The following ACOT7 variants were observed in gnomAD, a reference collection of about 807,000 sequenced individuals.
ACOT7 encodes the protein acyl-CoA thioesterase 7, also known as cytosolic acyl coenzyme A thioester hydrolase.
In ACOT7, 12 loss-of-function variants were observed where a neutral mutation model predicts 40.2. That is an observed-to-expected ratio of 0.30 (90% CI 0.19 to 0.48). The LOEUF (loss-of-function observed/expected upper bound fraction) is 0.48. Among genes scored for constraint, ACOT7 ranks in the 20% least tolerant of loss-of-function variants. The pLI, the probability that ACOT7 is intolerant of heterozygous loss-of-function variation, is 0.99. For synonymous variants in ACOT7, 228 were observed against 219.5 expected (o/e 1.04, Z -0.34); for missense variants, 395 against 530.8 (o/e 0.74, Z 2.51).
intron 6 of ACOT7, among the ~76,000 whole-genome samples, chr1:6,315,738 G>C (rs1471187285): frequency 1.6e-5 from 2 of 125,792 alleles, no homozygotes; most frequent in African/African-American, 5.9e-5. Flanking sequence ...GTGGGCGACA[G>C]AGTGAGACTC....
intron 2 of ACOT7, 69 bp from the exon 3 acceptor site, chr1:6,339,658 G>A: frequency 1.9e-6 from 3 of 1,560,688 alleles, no homozygotes; most frequent in Non-Finnish European, 1.7e-6. Context: ...CCCAGGACAT[G>A]CCCCCTGGAA....
In ACOT7 at chr1:6,311,381, T is replaced by G. The variant is rs1389255374; in HGVS notation, c.712+7111A>C. 3.1e-4 allele frequency among the ~76,000 whole-genome samples: 47 copies of G among 152,114 alleles called. No homozygotes were observed. The highest frequency in any genetic ancestry group is 3.1e-3 in the Admixed American group (47 of 15,272). On this transcript the variant is annotated intron_variant, in intron 6 of 8. Transcript: ENST00000361521. This position sits in a 1 kb window ranked among gnomAD's most constrained non-coding sequence, Gnocchi z 5.2. ...GATCATCCCATGGACGAGGGCCCCATGAGGGCCACATCTAGGCTGAAATGA... is the reference window on the plus strand; with the variant it reads ...GATCATCCCATGGACGAGGGCCCCAGGAGGGCCACATCTAGGCTGAAATGA...
chr1:6,287,844 G>C (rs146602066), intron 7 of ACOT7, among the ~76,000 whole-genome samples: 1 of 152,120 alleles, frequency 6.6e-6, no homozygotes, highest in East Asian at 1.9e-4. Context: ...GTTAACTTTC[G>C]TAAGAAAAGC....
At chr1:6,369,425 G>A (rs142733343) in intron 1 of ACOT7, among the ~76,000 whole-genome samples, 4 of 86,478 alleles carry the variant, frequency 4.6e-5, no homozygotes, top group Non-Finnish European at 8.4e-5. Flanking sequence ...TTTTTTTGTA[G>A]AGAAGGAGGC....
chr1:6,310,629 C>T (rs1021656578), intron 6 of ACOT7, among the ~76,000 whole-genome samples: 3 of 152,232 alleles, frequency 2.0e-5, no homozygotes, highest in African/African-American at 7.2e-5. Flanking sequence ...CAGAGCCACC[C>T]AGGGCACTTG....
intron 8 of ACOT7, among the ~76,000 whole-genome samples, chr1:6,276,640 G>A (rs1159927090): frequency 6.6e-6 from 1 of 152,068 alleles, no homozygotes; most frequent in African/African-American, 2.4e-5. Flanking sequence ...GGCACATCTG[G>A]AGGGACGGAA....
At chr1:6,320,039 G>A (rs533390314) in intron 5 of ACOT7, among the ~76,000 whole-genome samples, 2 of 152,346 alleles carry the variant, frequency 1.3e-5, no homozygotes, top group East Asian at 3.9e-4. Flanking sequence ...AGGGGAGGAA[G>A]GGAGGTTCTG....
chr1:6,343,426 G>C (rs1173490767), intron 2 of ACOT7, among the ~76,000 whole-genome samples: 1 of 152,258 alleles, frequency 6.6e-6, no homozygotes, highest in Non-Finnish European at 1.5e-5. Context: ...CAGGGACTCT[G>C]TGACTGCATC....
rs990895736 is a variant in ACOT7 at position 6,282,423 on chromosome 1, G to A, written c.830-1137C>T. Among the ~76,000 whole-genome samples, 3 of 152,206 alleles carry A rather than the reference G, an allele frequency of 2.0e-5. No homozygotes were observed. The highest frequency in any genetic ancestry group is 2.9e-5 in the Non-Finnish European group (2 of 68,036). ...GCCCTGCGGTCAGAATGCCCTCCCA[G>A]GCGGCCCAGCGTGGCCTCTATTCTG... On this transcript the variant is annotated intron_variant, in intron 7 of 8. Transcript: ENST00000361521. This position sits in a 1 kb window ranked among gnomAD's most constrained non-coding sequence, Gnocchi z 4.5.
chr1:6,369,383 C>A (rs961162364), intron 1 of ACOT7, among the ~76,000 whole-genome samples: 1 of 151,274 alleles, frequency 6.6e-6, no homozygotes, highest in African/African-American at 2.4e-5. Context: ...AGCCAGAGCC[C>A]CACAAAATGC....
chr1:6,307,595 A>C (rs1571293355), intron 6 of ACOT7, among the ~76,000 whole-genome samples: 1 of 152,254 alleles, frequency 6.6e-6, no homozygotes, highest in Non-Finnish European at 1.5e-5. Context: ...ACCCAGGTAG[A>C]GAGAAAGAAC....
Position 6,327,378 on chromosome 1 carries a change from C to T in ACOT7, c.546G>A (p.Lys182=). ...SRQEQEEEGR[K]RYEAQKLERM... is the part of the protein sequence containing the mutation. ...GCTCCAGCTTCTGGGCTTCATACCG[C>T]TTCCGGCCCTCCTCCTCCTGCTCCT... The change falls in exon 5 of 9, where the codon AAG becomes AAA. Residue 182 remains lysine, a synonymous_variant. Transcript: ENST00000361521. 1 of 1,614,214 alleles carries T rather than the reference C, an allele frequency of 6.2e-7. No homozygotes were observed. Among genetic ancestry groups the T allele is most frequent in the Non-Finnish European group, 8.5e-7 (1 of 1,180,042 alleles).
At chr1:6,347,718 G>A (rs1379229479) in intron 2 of ACOT7, among the ~76,000 whole-genome samples, 1 of 151,830 alleles carries the variant, frequency 6.6e-6, no homozygotes, top group African/African-American at 2.4e-5. Context: ...AGTGAGCCGG[G>A]ATCGCACCAT....
intron 2 of ACOT7, among the ~76,000 whole-genome samples, chr1:6,341,807 AT>A (rs1641285722): frequency 6.6e-6 from 1 of 152,222 alleles, no homozygotes; most frequent in Admixed American, 6.5e-5. Flanking sequence ...ATGATTCAAA[AT>A]GTAAAAGGAA....
In ACOT7 at chr1:6,271,555, T is replaced by G. The variant is rs1047430648; in HGVS notation, c.1015-6860A>C. ...GGACCACCAGCCTCACAAGCACCTG[T>G]GCCCCCAGGGTCTTGCTCCACCTGA... On this transcript the variant is annotated intron_variant, in intron 8 of 8. Transcript: ENST00000361521. 2.6e-5 allele frequency among the ~76,000 whole-genome samples: 4 copies of G among 152,324 alleles called. No homozygotes were observed. In the East Asian group the frequency reaches 7.7e-4, roughly 29 times the overall value.
rs993173565 is a variant in ACOT7 at position 6,278,944 on chromosome 1, CA to C, written c.1014+2157del. Among the ~76,000 whole-genome samples, 1 of 152,056 alleles carries C rather than the reference CA, an allele frequency of 6.6e-6. No homozygotes were observed. The highest frequency in any genetic ancestry group is 2.4e-5 in the African/African-American group (1 of 41,390). On this transcript the variant is annotated intron_variant, in intron 8 of 8. Transcript: ENST00000361521. This position sits in a 1 kb window ranked among gnomAD's most constrained non-coding sequence, Gnocchi z 4.1. ...GAACTGGGAAAGTTTGTCCAGGAGG[CA>C]GGAAGAGGTAGGGGGCGGGGAAGGA...
At position 6,392,889 on chromosome 1, in the gene ACOT7, C is replaced by T. The variant is rs1443748592; in HGVS notation, c.143+368G>A. 2.6e-5 allele frequency among the ~76,000 whole-genome samples: 4 copies of T among 152,198 alleles called. No homozygotes were observed. The East Asian group carries it at 7.7e-4, about 29-fold the overall frequency. On this transcript the variant is annotated intron_variant, in intron 1 of 8. Transcript: ENST00000361521. ...ACCACGGGGCTGAGGCTCCGGGATG[C>T]TCGGGCGAGGCCCGAGGCGGGGCGG...
In ACOT7 at chr1:6,285,403, T is replaced by C. The variant is rs538504204; in HGVS notation, c.830-4117A>G. Among the ~76,000 whole-genome samples the C allele has an allele frequency of 2.5e-4, 38 of 152,328 alleles. 1 individual carries two copies. The highest frequency in any genetic ancestry group is 5.1e-4 in the African/African-American group (21 of 41,578). On this transcript the variant is annotated intron_variant, in intron 7 of 8. Transcript: ENST00000361521. The stretch of plus-strand genomic sequence containing the variant: ...GCAGCCTGCCCTGGAGCCCCACACC[T>C]GTCCACCTCCCTTCCTCCCTGCAAA...
intron 1 of ACOT7, among the ~76,000 whole-genome samples, chr1:6,351,367 T>C (rs1287083813): frequency 1.3e-5 from 2 of 152,272 alleles, no homozygotes; most frequent in Non-Finnish European, 2.9e-5. Context: ...AAACCTCATT[T>C]GGCTTCTCAA....
Sources: allele counts gnomAD v4.1 joint callset (sites outside exome capture counted in the v4.1 genomes callset), GRCh38; gene constraint gnomAD v4.1.1; non-coding constraint Gnocchi (gnomAD v3.1); transcripts MANE v1.5; gene names NCBI Gene and HGNC (gene_info 2026-07-23, HGNC 2026-07-21).